The following JADE2 variants were observed in gnomAD, a reference collection of about 807,000 sequenced individuals.
JADE2 encodes the protein jade family PHD finger 2, also known as E3 ubiquitin-protein ligase Jade-2.
In JADE2, 13 loss-of-function variants were observed where a neutral mutation model predicts 85.7. That is an observed-to-expected ratio of 0.15 (90% CI 0.10 to 0.24). The LOEUF (loss-of-function observed/expected upper bound fraction) is 0.24, where lower values mean the gene tolerates loss of function less well. Ranked by LOEUF, JADE2 falls within the 10% of genes least tolerant of loss-of-function variation. JADE2 has a pLI of 1.00. For missense variants in JADE2, 846 were observed against 1,115.9 expected (o/e 0.76, Z 3.45); for synonymous variants, 440 against 456.1 (o/e 0.96, Z 0.45).
At position 134,578,977 on chromosome 5, in the gene JADE2, C is replaced by A; in HGVS notation, c.2165C>A (p.Pro722His). The A allele has an allele frequency of 6.2e-7, 1 of 1,613,750 alleles. No homozygotes were observed. The stretch of plus-strand genomic sequence containing the variant: ...CCTGAAAGCCCCCCGCCACTGGCCC[C>A]TGAGACCCCGGACGAGGCAGCCTCA... ...ATPESPPPLA[P>H]ETPDEAASVA... Residue 722 changes from proline (P) to histidine (H), a missense_variant, in exon 12 of 12, where the codon CCT becomes CAT. By Grantham distance (77) the Pro-to-His change is moderately conservative. Around this residue, in one of 9 missense-constraint regions of JADE2, gnomAD observed 300 missense variants for 300.7 expected, o/e 1.00. Coordinates refer to ENST00000681547, the MANE Select transcript of JADE2 (RefSeq NM_001388185.1). This position sits in a 1 kb window ranked among gnomAD's most constrained non-coding sequence, Gnocchi z 4.4.
Position 134,545,861 on chromosome 5 carries a change from C to G in JADE2, c.154-6191C>G, listed in dbSNP as rs551791136. Among the ~76,000 whole-genome samples, 37 of 152,322 alleles carry G rather than the reference C, an allele frequency of 2.4e-4. No individual in the cohort carries two copies. The South Asian group carries it at 3.7e-3, about 15-fold the overall frequency. ...GGTTGGCTCTTTAAGTACAGACCTTCAAACTTTCCTTGAGGGGTGAGGAAG... is the reference window on the plus strand; with the variant it reads ...GGTTGGCTCTTTAAGTACAGACCTTGAAACTTTCCTTGAGGGGTGAGGAAG... On this transcript the variant is annotated intron_variant, in intron 3 of 11. Transcript: ENST00000681547.
chr5:134,551,291 C>G (rs796583095), intron 3 of JADE2, among the ~76,000 whole-genome samples: 56 of 152,152 alleles, frequency 3.7e-4, no homozygotes, highest in African/African-American at 1.3e-3. Flanking sequence ...TGCAGTGGTG[C>G]AATCATGGCT....
Position 134,559,886 on chromosome 5 carries a change from T to G in JADE2, c.368T>G (p.Leu123Arg). 1.2e-6 allele frequency: 2 copies of G among 1,614,046 alleles called. No individual in the cohort carries two copies. Among genetic ancestry groups the G allele is most frequent in the East Asian group, 2.2e-5 (1 of 44,878 alleles). ...CAGGCATCCCCGAGCAGCACCATGC[T>G]TGGTGAGGGCTCCCAGCCTGATTGG... ...PAQASPSSTM[L>R]GEGSQPDWPG... Residue 123 changes from leucine (L) to arginine (R), a missense_variant, in exon 5 of 12, where the codon CTT becomes CGT. Around this residue, in one of 9 missense-constraint regions of JADE2, gnomAD observed 78 missense variants for 64.9 expected, o/e 1.20. Coordinates refer to ENST00000681547, the MANE Select transcript of JADE2 (RefSeq NM_001388185.1).
chr5:134,579,164 G>C lies in JADE2; in HGVS notation c.2352G>C (p.Lys784Asn). The C allele has an allele frequency of 1.2e-6, 2 of 1,614,258 alleles. No individual in the cohort carries two copies. The highest frequency in any genetic ancestry group is 1.1e-5 in the South Asian group (1 of 91,088). The change falls in exon 12 of 12, where the codon AAG becomes AAC. Residue 784 changes from lysine to asparagine, a missense_variant. Lys to Asn is a moderately conservative substitution (Grantham distance 94). Transcript: ENST00000681547. This position sits in a 1 kb window ranked among gnomAD's most constrained non-coding sequence, Gnocchi z 4.6. ...GPPSAVAERP[K>N]VSLHFDTETD... ...CTTCAGCTGTGGCTGAGAGGCCCAAGGTCAGCCTGCATTTTGACACTGAGA... is the reference window on the plus strand; with the variant it reads ...CTTCAGCTGTGGCTGAGAGGCCCAACGTCAGCCTGCATTTTGACACTGAGA...
At chr5:134,533,946 A>G (rs555182567) in intron 1 of JADE2, among the ~76,000 whole-genome samples, 1 of 151,662 alleles carries the variant, frequency 6.6e-6, no homozygotes, top group East Asian at 1.9e-4. Context: ...GAGTCCCCCT[A>G]CGTTCCCCAG....
At position 134,580,432 on chromosome 5, in the gene JADE2, C is replaced by CCG. The variant is rs1554131262; in HGVS notation, c.*1116_*1117insGC. On this transcript the variant is annotated 3_prime_UTR_variant, in exon 12 of 12. Coordinates refer to ENST00000681547, the MANE Select transcript of JADE2 (RefSeq NM_001388185.1). ...TAACCCCTCGCACAGCCATCCCCCC[C>CCG]CCCGTCCTGCCATCCCCCCCCGCCG... 7.9e-6 allele frequency: 1 copy of CCG among 126,848 alleles called. No homozygotes were observed. The highest frequency in any genetic ancestry group is 1.7e-5 in the Non-Finnish European group (1 of 58,958). The allele number at this position is 126,848 out of a possible 1,614,324, so 7.9% of individuals were successfully genotyped here.
At chr5:134,529,353 A>T (rs547044170) in intron 1 of JADE2, among the ~76,000 whole-genome samples, 1 of 152,160 alleles carries the variant, frequency 6.6e-6, no homozygotes, top group Admixed American at 6.5e-5. Flanking sequence ...GCCCATAGGA[A>T]TCTAGAATAC....
chr5:134,538,725 T>C (rs1428400657), intron 3 of JADE2, among the ~76,000 whole-genome samples: 1 of 152,180 alleles, frequency 6.6e-6, no homozygotes, highest in East Asian at 1.9e-4. Flanking sequence ...CCTAGGGCCT[T>C]ATTGCTCCTT....
intron 10 of JADE2, 131 bp downstream of exon 10, chr5:134,573,893 C>T (rs573945172): frequency 2.6e-6 from 2 of 757,736 alleles, no homozygotes; most frequent in Non-Finnish European, 4.8e-6. Flanking sequence ...GGCCCCCACT[C>T]CTACCCTTCA....
At position 134,566,133 on chromosome 5, in the gene JADE2, C is replaced by T. The variant is rs200335802; in HGVS notation, c.987C>T (p.Cys329=). Residue 329 remains cysteine (C), a synonymous_variant, in exon 9 of 12, where the codon TGC becomes TGT. Coordinates refer to ENST00000681547, the MANE Select transcript of JADE2 (RefSeq NM_001388185.1). The surrounding 1 kb of genome is among the most constrained non-coding windows in gnomAD (Gnocchi z 6.7). ...GTCIQCSMPS[C]VTAFHVTCAF... is the part of the protein sequence containing the mutation. ...CCCCTCAGTGTTCCATGCCTTCCTG[C>T]GTCACAGCGTTCCATGTCACATGCG... The T allele has an allele frequency of 4.9e-5, 79 of 1,613,206 alleles. No homozygotes were observed. Among genetic ancestry groups the T allele is most frequent in the East Asian group, 2.5e-4 (11 of 44,838 alleles).
At chr5:134,526,776 G>C (rs373737323) in intron 1 of JADE2, 3 of 985,062 alleles carry the variant, frequency 3.0e-6, no homozygotes, top group Non-Finnish European at 3.6e-6. Flanking sequence ...TGGAGGGTGC[G>C]GAGCCTCGGC....
At chr5:134,553,983 C>T (rs1393650652) in intron 4 of JADE2, among the ~76,000 whole-genome samples, 1 of 152,156 alleles carries the variant, frequency 6.6e-6, no homozygotes, top group African/African-American at 2.4e-5. Context: ...GTCCTGGCCT[C>T]CCCCACCCAC....
At chr5:134,543,375 A>G (rs540998676) in intron 3 of JADE2, among the ~76,000 whole-genome samples, 1 of 151,080 alleles carries the variant, frequency 6.6e-6, no homozygotes, top group East Asian at 2.0e-4. Flanking sequence ...ATCCAGGGTT[A>G]AGAACAACTG....
chr5:134,528,785 C>A (rs1024239494), intron 1 of JADE2, among the ~76,000 whole-genome samples: 1 of 152,204 alleles, frequency 6.6e-6, no homozygotes. Flanking sequence ...CCAAGGGTCC[C>A]CCCATCACTT....
chr5:134,560,036 G>T, intron 5 of JADE2, 46 bp downstream of exon 5: 2 of 1,608,908 alleles, frequency 1.2e-6, no homozygotes, highest in South Asian at 1.1e-5. Context: ...TGGGCAGGGA[G>T]GGTTTTCTCC....
At chr5:134,537,166 G>A (rs1416908454) in intron 2 of JADE2, among the ~76,000 whole-genome samples, 1 of 152,318 alleles carries the variant, frequency 6.6e-6, no homozygotes, top group South Asian at 2.1e-4. Flanking sequence ...CCCTTTGAGA[G>A]AGCCAGGTAC....
At chr5:134,571,569 C>T (rs1175491591) in intron 9 of JADE2, among the ~76,000 whole-genome samples, 3 of 152,186 alleles carry the variant, frequency 2.0e-5, no homozygotes, top group African/African-American at 4.8e-5. Context: ...TGGTGGCAGG[C>T]ACCTGTAATC....
chr5:134,566,254 C>A lies in JADE2; in HGVS notation c.1108C>A (p.Arg370Ser), dbSNP rs137957798. The change falls in exon 9 of 12, where the codon CGT becomes AGT. Residue 370 changes from arginine to serine, a missense_variant. Transcript: ENST00000681547. This position sits in a 1 kb window ranked among gnomAD's most constrained non-coding sequence, Gnocchi z 6.7. The part of the protein sequence containing the change: ...FCQEHSDGGP[R>S]NEPTSEPTEP... ...CCAGGAGCACAGTGACGGGGGCCCA[C>A]GTAATGAGCCCACATCTGAGCCCAC... 6 of 1,614,142 alleles carry A rather than the reference C, an allele frequency of 3.7e-6. No homozygotes were observed. The East Asian group carries it at 8.9e-5, about 24-fold the overall frequency.
chr5:134,560,665 A>C, intron 5 of JADE2, 81 bp from the exon 6 acceptor site: 1 of 1,245,466 alleles, frequency 8.0e-7, no homozygotes, highest in Non-Finnish European at 1.1e-6. Flanking sequence ...GAATTCCTGC[A>C]ACTCCAGGAG....
Sources: gnomAD v4.1 joint callset for allele counts (sites outside exome capture counted in the v4.1 genomes callset) on GRCh38, gnomAD v4.1.1 for gene constraint, gnomAD v4.1.1 regional missense constraint, Gnocchi (gnomAD v3.1) non-coding constraint, MANE v1.5 for transcripts, NCBI Gene and HGNC (gene_info 2026-07-23, HGNC 2026-07-21) for gene names.